The following LRRTM4 variants were observed in gnomAD, a reference collection of about 807,000 sequenced individuals.
LRRTM4 encodes leucine-rich repeat transmembrane neuronal protein 4.
A neutral mutation model predicts 47.6 loss-of-function variants in LRRTM4; 25 were observed. The observed-to-expected ratio is 0.53, with a 90% confidence interval of 0.38 to 0.73. The LOEUF (loss-of-function observed/expected upper bound fraction) is 0.73, where lower values mean the gene tolerates loss of function less well. Ranked by LOEUF, LRRTM4 falls within the 30% of genes least tolerant of loss-of-function variation. The probability of loss-of-function intolerance (pLI) is 0.00; values close to 1 mark genes in which losing one functional copy is unlikely to be tolerated. For synonymous variants in LRRTM4, 311 were observed against 269.5 expected (o/e 1.15, Z -1.51); for missense variants, 638 against 713.4 (o/e 0.89, Z 1.20).
At chr2:76,993,624 C>G (rs1322964244) in intron 3 of LRRTM4, among the ~76,000 whole-genome samples, 1 of 151,810 alleles carries the variant, frequency 6.6e-6, no homozygotes, top group Non-Finnish European at 1.5e-5. Context: ...GATGAGTCTA[C>G]AGAGAAGAAG....
intron 3 of LRRTM4, among the ~76,000 whole-genome samples, chr2:76,754,216 T>C (rs1672949087): frequency 6.6e-6 from 1 of 152,180 alleles, no homozygotes; most frequent in South Asian, 2.1e-4. Context: ...TTAAAATGAA[T>C]GTCCATAGCT....
At chr2:77,459,484 T>C (rs537870652) in intron 3 of LRRTM4, among the ~76,000 whole-genome samples, 1 of 152,078 alleles carries the variant, frequency 6.6e-6, no homozygotes, top group East Asian at 1.9e-4. Flanking sequence ...AAAACACAAA[T>C]TTAGTTTCTT....
intron 3 of LRRTM4, among the ~76,000 whole-genome samples, chr2:77,343,768 CTTTGTAG>C (rs1250036488): frequency 1.3e-5 from 2 of 151,746 alleles, no homozygotes; most frequent in African/African-American, 4.8e-5. Flanking sequence ...AAGACAAAAC[CTTTGTAG>C]TTTGTGCTAT....
At chr2:76,972,852 C>T (rs1009990038) in intron 3 of LRRTM4, among the ~76,000 whole-genome samples, 1 of 151,924 alleles carries the variant, frequency 6.6e-6, no homozygotes, top group African/African-American at 2.4e-5. Flanking sequence ...TATTATGTCA[C>T]CTTTCACTAA....
At chr2:77,057,182 A>T (rs1458683751) in intron 3 of LRRTM4, among the ~76,000 whole-genome samples, 1 of 152,216 alleles carries the variant, frequency 6.6e-6, no homozygotes, top group Non-Finnish European at 1.5e-5. Flanking sequence ...ATGGTTCAGA[A>T]AGATTACCAG....
intron 3 of LRRTM4, among the ~76,000 whole-genome samples, chr2:77,487,345 T>C (rs1025470106): frequency 6.6e-6 from 1 of 152,190 alleles, no homozygotes; most frequent in African/African-American, 2.4e-5. Flanking sequence ...TTCTCCCGAC[T>C]CCCAGTACCC....
intron 3 of LRRTM4, among the ~76,000 whole-genome samples, chr2:77,329,228 A>G (rs529501446): frequency 6.6e-6 from 1 of 152,316 alleles, no homozygotes; most frequent in South Asian, 2.1e-4. Flanking sequence ...TACCAAAAAA[A>G]TTGTTTACAT....
At chr2:76,761,730 C>G (rs10207289) in intron 3 of LRRTM4, among the ~76,000 whole-genome samples, 21,966 of 152,076 alleles carry the variant, frequency 0.14, 1,709 homozygotes, top group East Asian at 0.17. Context: ...AATATTCAAA[C>G]CTCCCAATTA....
chr2:76,761,360 T>C (rs1318640057), intron 3 of LRRTM4, among the ~76,000 whole-genome samples: 1 of 152,238 alleles, frequency 6.6e-6, no homozygotes, highest in African/African-American at 2.4e-5. Flanking sequence ...ATTTATATCC[T>C]TGCTGGTGAT....
intron 3 of LRRTM4, among the ~76,000 whole-genome samples, chr2:76,935,865 C>A (rs1674928467): frequency 6.6e-6 from 1 of 152,158 alleles, no homozygotes. Flanking sequence ...CTGGCCAGAA[C>A]TTCCAATATT....
chr2:77,185,843 G>A (rs952277189), intron 3 of LRRTM4, among the ~76,000 whole-genome samples: 1 of 152,060 alleles, frequency 6.6e-6, no homozygotes, highest in Non-Finnish European at 1.5e-5. Context: ...TTTGGCAAAG[G>A]TGTGACTTTA....
intron 3 of LRRTM4, among the ~76,000 whole-genome samples, chr2:77,512,531 T>C (rs889456768): frequency 7.2e-5 from 11 of 152,136 alleles, no homozygotes; most frequent in African/African-American, 2.7e-4. Context: ...CATACTGGTT[T>C]TTCAAAACTC....
chr2:77,340,347 T>C (rs1671328012), intron 3 of LRRTM4, among the ~76,000 whole-genome samples: 1 of 151,876 alleles, frequency 6.6e-6, no homozygotes, highest in Non-Finnish European at 1.5e-5. Flanking sequence ...CAAGTTGGTA[T>C]TTTCAATCAT....
intron 3 of LRRTM4, among the ~76,000 whole-genome samples, chr2:77,118,770 T>C (rs909874743): frequency 6.6e-6 from 1 of 151,850 alleles, no homozygotes; most frequent in Non-Finnish European, 1.5e-5. Flanking sequence ...TTCAAATTTT[T>C]AGGCATCCAT....
chr2:77,444,545 T>A (rs920762474), intron 3 of LRRTM4, among the ~76,000 whole-genome samples: 2 of 152,168 alleles, frequency 1.3e-5, no homozygotes, highest in South Asian at 2.1e-4. Context: ...GTGATGTGGT[T>A]CTCCTTGCTT....
chr2:76,815,359 G>T (rs534646643), intron 3 of LRRTM4, among the ~76,000 whole-genome samples: 1 of 152,174 alleles, frequency 6.6e-6, no homozygotes, highest in Admixed American at 6.6e-5. Flanking sequence ...AAGCCTGCCA[G>T]AAGCGAGATA....
At chr2:76,888,235 G>T (rs1355849105) in intron 3 of LRRTM4, among the ~76,000 whole-genome samples, 2 of 150,996 alleles carry the variant, frequency 1.3e-5, no homozygotes, top group East Asian at 3.9e-4. Context: ...GTAGAAAATA[G>T]CCCTGAAGTT....
chr2:77,480,334 A>G (rs925628310), intron 3 of LRRTM4, among the ~76,000 whole-genome samples: 5 of 152,198 alleles, frequency 3.3e-5, no homozygotes, highest in Non-Finnish European at 2.9e-5. Context: ...TTTTCAGCTG[A>G]TTCAATAGGC....
At chr2:77,179,968 A>G (rs1020063273) in intron 3 of LRRTM4, among the ~76,000 whole-genome samples, 1 of 152,150 alleles carries the variant, frequency 6.6e-6, no homozygotes, top group African/African-American at 2.4e-5. Context: ...CTTTTAAAGA[A>G]CTCAAGGTGG....
Sources: allele counts gnomAD v4.1 joint callset (sites outside exome capture counted in the v4.1 genomes callset), GRCh38; gene constraint gnomAD v4.1.1; transcripts MANE v1.5; gene names NCBI Gene and HGNC (gene_info 2026-07-23, HGNC 2026-07-21).